DYNC2H1: variants seen among roughly 807,000 people sequenced by gnomAD.
The protein encoded by DYNC2H1 is dynein cytoplasmic 2 heavy chain 1.
Under a neutral mutation model 570.0 loss-of-function variants are expected in DYNC2H1, and 410 were observed. The observed-to-expected ratio is 0.72, with a 90% CI of 0.66 to 0.78. The LOEUF (loss-of-function observed/expected upper bound fraction) is 0.78, where lower values mean the gene tolerates loss of function less well. Ranked by LOEUF, DYNC2H1 falls within the 30% of genes least tolerant of loss-of-function variation. The pLI is 0.00. For missense variants in DYNC2H1, 4,865 were observed against 5,046.4 expected (o/e 0.96, Z 1.09); for synonymous variants, 1,688 against 1,677.6 (o/e 1.01, Z -0.15).
Position 103,154,801 on chromosome 11 carries a change from A to G in DYNC2H1, c.3565A>G (p.Lys1189Glu). Reference protein sequence around the residue: ...MTVKLQSEVDKYKIVIPILKY... With the variant: ...MTVKLQSEVDEYKIVIPILKY... ...AGTGAAATTACAATCAGAGGTTGAC[A>G]AATATAAAGTAAGATTGTTTTATTA... The change falls in exon 24 of 89, where the codon AAA (lysine) becomes GAA (glutamate). Residue 1189 changes from lysine to glutamate, a missense_variant. By Grantham distance (56) the Lys-to-Glu change is moderately conservative. Coordinates refer to ENST00000375735, the MANE Select transcript of DYNC2H1 (RefSeq NM_001377.3). The G allele has an allele frequency of 6.5e-7, 1 of 1,542,392 alleles. No homozygotes were observed. The highest frequency in any genetic ancestry group is 8.7e-7 in the Non-Finnish European group (1 of 1,144,284).
chr11:103,132,147 C>T (rs932726873), intron 13 of DYNC2H1, among the ~76,000 whole-genome samples: 8 of 151,896 alleles, frequency 5.3e-5, no homozygotes, highest in Non-Finnish European at 1.0e-4. Flanking sequence ...TATATATTAA[C>T]TCTTTTGTCT....
In DYNC2H1 at chr11:103,395,521, C is replaced by T. The variant is rs1942362829; in HGVS notation, c.12157-4142C>T. On this transcript the variant is annotated intron_variant, in intron 83 of 88. Transcript: ENST00000375735. This position sits in a 1 kb window ranked among gnomAD's most constrained non-coding sequence, Gnocchi z 4.3. ...CACACACACACACACACACACTTCTCTGTATTGGCACCATTTTTCATACAG... is the reference window on the plus strand; with the variant it reads ...CACACACACACACACACACACTTCTTTGTATTGGCACCATTTTTCATACAG... Among the ~76,000 whole-genome samples, 1 of 150,484 alleles carries T rather than the reference C, an allele frequency of 6.6e-6. No homozygotes were observed.
At chr11:103,354,350 T>A (rs886902094) in intron 82 of DYNC2H1, among the ~76,000 whole-genome samples, 1 of 152,082 alleles carries the variant, frequency 6.6e-6, no homozygotes, top group East Asian at 1.9e-4. Context: ...ATTCTATACT[T>A]ATTTTTTCCC....
At chr11:103,331,750 T>G (rs1938807059) in intron 82 of DYNC2H1, among the ~76,000 whole-genome samples, 1 of 152,130 alleles carries the variant, frequency 6.6e-6, no homozygotes. Flanking sequence ...TTTAAAATAG[T>G]TACAATTTTT....
At chr11:103,437,918 A>G (rs1944120162) in intron 85 of DYNC2H1, among the ~76,000 whole-genome samples, 1 of 152,236 alleles carries the variant, frequency 6.6e-6, no homozygotes, top group African/African-American at 2.4e-5. Context: ...AAACAATTTT[A>G]CATGAATTAT....
Position 103,147,778 on chromosome 11 carries a change from C to T in DYNC2H1, c.2709C>T (p.Val903=), listed in dbSNP as rs756701871. The T allele has an allele frequency of 6.2e-7, 1 of 1,601,362 alleles. No homozygotes were observed. Among genetic ancestry groups the T allele is most frequent in the South Asian group, 1.1e-5 (1 of 88,720 alleles). Residue 903 remains valine, a synonymous_variant, in exon 19 of 89, where the codon GTC becomes GTT. Coordinates refer to ENST00000375735, the MANE Select transcript of DYNC2H1 (RefSeq NM_001377.3). ...GKEVERLPSA[V]KVDCLNINCN... ...GTCCATTGACATTTTTCAGTGCTGTCAAGGTAGATTGTTTAAATATTAATT... is the reference window on the plus strand; with the variant it reads ...GTCCATTGACATTTTTCAGTGCTGTTAAGGTAGATTGTTTAAATATTAATT...
chr11:103,290,447 T>C (rs996533729), intron 75 of DYNC2H1, among the ~76,000 whole-genome samples: 3 of 152,238 alleles, frequency 2.0e-5, no homozygotes, highest in African/African-American at 7.2e-5. Flanking sequence ...CTTTTACTCA[T>C]GTTTGGCAGA....
At chr11:103,168,704 A>G in intron 31 of DYNC2H1, 51 bp from the exon 32 acceptor site, 1 of 1,560,528 alleles carries the variant, frequency 6.4e-7, no homozygotes, top group Non-Finnish European at 8.8e-7. Context: ...AAATTATATA[A>G]ATCACAGGCT....
intron 85 of DYNC2H1, among the ~76,000 whole-genome samples, chr11:103,445,263 C>T (rs1944386145): frequency 6.6e-6 from 1 of 152,148 alleles, no homozygotes; most frequent in African/African-American, 2.4e-5. Flanking sequence ...TTTCATTCTG[C>T]AGATGTTTCA....
At chr11:103,192,957 A>G (rs1344968856) in intron 47 of DYNC2H1, among the ~76,000 whole-genome samples, 1 of 152,222 alleles carries the variant, frequency 6.6e-6, no homozygotes, top group Non-Finnish European at 1.5e-5. Context: ...ATTTTATATA[A>G]TAAATACATT....
intron 75 of DYNC2H1, among the ~76,000 whole-genome samples, chr11:103,293,571 T>G (rs1275122499): frequency 1.3e-5 from 2 of 152,114 alleles, no homozygotes; most frequent in South Asian, 4.1e-4. Flanking sequence ...CCTTTTGAAG[T>G]TATTTTTTAG....
chr11:103,359,115 C>T (rs1268147678), intron 83 of DYNC2H1, among the ~76,000 whole-genome samples: 1 of 152,278 alleles, frequency 6.6e-6, no homozygotes, highest in Non-Finnish European at 1.5e-5. Context: ...GCACCTTAGT[C>T]CCCTATAATT....
At chr11:103,297,664 C>T (rs141318292) in intron 75 of DYNC2H1, among the ~76,000 whole-genome samples, 1 of 152,024 alleles carries the variant, frequency 6.6e-6, no homozygotes, top group Admixed American at 6.6e-5. Flanking sequence ...TATGGAACAA[C>T]CATGGTATAC....
At chr11:103,146,394 G>C (rs1860241965) in intron 18 of DYNC2H1, among the ~76,000 whole-genome samples, 1 of 152,058 alleles carries the variant, frequency 6.6e-6, no homozygotes, top group Non-Finnish European at 1.5e-5. Context: ...CTTTGGTTAG[G>C]ACATTACAAT....
chr11:103,235,246 A>G (rs1315354173), intron 61 of DYNC2H1, among the ~76,000 whole-genome samples: 2 of 151,864 alleles, frequency 1.3e-5, no homozygotes, highest in African/African-American at 4.8e-5. Context: ...CTTTCCTTTA[A>G]TATAACTACT....
Position 103,289,530 on chromosome 11 carries a change from G to A in DYNC2H1, c.11095+1925G>A, listed in dbSNP as rs900736583. On this transcript the variant is annotated intron_variant, in intron 75 of 88. Transcript: ENST00000375735. The surrounding 1 kb of genome is among the most constrained non-coding windows in gnomAD (Gnocchi z 4.2). The stretch of plus-strand genomic sequence containing the variant: ...AATCCCAGCACATTTGGAGGCTGAC[G>A]GGGGAGGATTGCTTGAGCCCAGTAG... Among the ~76,000 whole-genome samples, 6 of 152,140 alleles carry A rather than the reference G, an allele frequency of 3.9e-5. No individual in the cohort carries two copies. Among genetic ancestry groups the A allele is most frequent in the Admixed American group, 2.6e-4 (4 of 15,270 alleles).
chr11:103,247,008 T>G (rs1397162760), intron 65 of DYNC2H1, among the ~76,000 whole-genome samples: 1 of 151,934 alleles, frequency 6.6e-6, no homozygotes, highest in Non-Finnish European at 1.5e-5. Flanking sequence ...CCTTTTTTTT[T>G]TTTTACTTTG....
chr11:103,239,636 C>T lies in DYNC2H1; in HGVS notation c.9819+3097C>T, dbSNP rs1215618369. Among the ~76,000 whole-genome samples the T allele has an allele frequency of 1.4e-5, 2 of 146,442 alleles. No homozygotes were observed. The highest frequency in any genetic ancestry group is 3.0e-5 in the Non-Finnish European group (2 of 66,428). On this transcript the variant is annotated intron_variant, in intron 63 of 88. Coordinates refer to ENST00000375735, the MANE Select transcript of DYNC2H1 (RefSeq NM_001377.3). This position sits in a 1 kb window ranked among gnomAD's most constrained non-coding sequence, Gnocchi z 4.3. ...ACCTAGCTCCTGTCTATACACTTCT[C>T]ATAGGAGTGTGTGTGTGTGTGTGTG...
chr11:103,273,911 A>G (rs1865806164), intron 70 of DYNC2H1, among the ~76,000 whole-genome samples: 1 of 152,142 alleles, frequency 6.6e-6, no homozygotes, highest in Non-Finnish European at 1.5e-5. Context: ...CTTATTGTCT[A>G]CATATTATGT....
Sources: allele counts gnomAD v4.1 joint callset (sites outside exome capture counted in the v4.1 genomes callset), GRCh38; gene constraint gnomAD v4.1.1; non-coding constraint Gnocchi (gnomAD v3.1); transcripts MANE v1.5; gene names NCBI Gene and HGNC (gene_info 2026-07-23, HGNC 2026-07-21).